CCDC149: variants seen among roughly 807,000 people sequenced by gnomAD.
CCDC149 encodes coiled-coil domain containing 149.
CCDC149 carries 45 observed loss-of-function variants against 59.9 expected under a neutral mutation model. The observed-to-expected ratio is 0.75, with a 90% CI of 0.59 to 0.96. The LOEUF (loss-of-function observed/expected upper bound fraction) is 0.96, where lower values mean the gene tolerates loss of function less well. Among genes scored for constraint, CCDC149 ranks in the 40% least tolerant of loss-of-function variants. CCDC149 has a pLI of 0.00. For synonymous variants in CCDC149, 245 were observed against 260.6 expected (o/e 0.94, Z 0.58); for missense variants, 584 against 664.7 (o/e 0.88, Z 1.33).
chr4:24,910,332 C>T (rs1721802007), intron 1 of CCDC149, among the ~76,000 whole-genome samples: 2 of 152,154 alleles, frequency 1.3e-5, no homozygotes, highest in Non-Finnish European at 1.5e-5. Context: ...TACCCTAAAT[C>T]CAGGGTGATC....
chr4:24,832,973 A>C (rs185289030), intron 8 of CCDC149, among the ~76,000 whole-genome samples: 1 of 152,138 alleles, frequency 6.6e-6, no homozygotes, highest in East Asian at 1.9e-4. Context: ...GCATGGCCCC[A>C]TTCTACATCT....
intron 7 of CCDC149, among the ~76,000 whole-genome samples, chr4:24,835,348 A>G (rs1035275467): frequency 6.6e-6 from 1 of 152,252 alleles, no homozygotes; most frequent in African/African-American, 2.4e-5. Context: ...ATGTGAAGTC[A>G]CTAGTAATGA....
At chr4:24,924,944 C>G (rs568314886) in intron 1 of CCDC149, among the ~76,000 whole-genome samples, 1 of 152,332 alleles carries the variant, frequency 6.6e-6, no homozygotes, top group East Asian at 1.9e-4. Context: ...ATACCCATCT[C>G]ATATACAAAA....
At chr4:24,970,449 A>G (rs75296728) in intron 1 of CCDC149, among the ~76,000 whole-genome samples, 2 of 152,170 alleles carry the variant, frequency 1.3e-5, no homozygotes, top group Admixed American at 1.3e-4. Flanking sequence ...AGCCTGTAGC[A>G]TTTATGATGG....
intron 2 of CCDC149, among the ~76,000 whole-genome samples, chr4:24,875,503 A>AT (rs34722418): frequency 0.076 from 10,904 of 144,028 alleles, 475 homozygotes; most frequent in South Asian, 0.15. Flanking sequence ...TTCTCCATGA[A>AT]TTTTTTTTTT....
intron 1 of CCDC149, among the ~76,000 whole-genome samples, chr4:24,926,478 A>G (rs1348781485): frequency 6.6e-6 from 1 of 152,030 alleles, no homozygotes; most frequent in East Asian, 1.9e-4. Flanking sequence ...AGCTTGTCCT[A>G]CCTTCCCTCA....
intron 6 of CCDC149, among the ~76,000 whole-genome samples, chr4:24,836,736 A>C (rs940001698): frequency 1.3e-5 from 2 of 152,208 alleles, no homozygotes; most frequent in East Asian, 3.8e-4. Context: ...ACTTTAAAAC[A>C]GCCCTCGCAG....
intron 1 of CCDC149, among the ~76,000 whole-genome samples, chr4:24,906,999 C>T (rs1176356960): frequency 6.6e-6 from 1 of 152,126 alleles, no homozygotes; most frequent in African/African-American, 2.4e-5. Context: ...TTCGTTAAGT[C>T]CCTTAGAATT....
At chr4:24,850,352 A>C (rs1306275636) in intron 4 of CCDC149, among the ~76,000 whole-genome samples, 1 of 152,182 alleles carries the variant, frequency 6.6e-6, no homozygotes, top group African/African-American at 2.4e-5. Flanking sequence ...CGCAAGTGAG[A>C]AGCAGAGGGG....
chr4:24,834,567 C>T (rs529977957), intron 8 of CCDC149, among the ~76,000 whole-genome samples: 14 of 152,182 alleles, frequency 9.2e-5, no homozygotes, highest in Admixed American at 7.9e-4. Flanking sequence ...GATTAGGAAA[C>T]GGGGAACATT....
intron 1 of CCDC149, among the ~76,000 whole-genome samples, chr4:24,931,726 C>T (rs1361971571): frequency 6.6e-6 from 1 of 150,928 alleles, no homozygotes; most frequent in African/African-American, 2.4e-5. Flanking sequence ...TATGCATCTT[C>T]CAGAAAGCCT....
chr4:24,971,672 C>G (rs1322414818), intron 1 of CCDC149, among the ~76,000 whole-genome samples: 1 of 152,198 alleles, frequency 6.6e-6, no homozygotes, highest in African/African-American at 2.4e-5. Context: ...CACCAACTCC[C>G]TTCCTCTTGG....
At chr4:24,910,691 T>C (rs1721822154) in intron 1 of CCDC149, among the ~76,000 whole-genome samples, 1 of 152,164 alleles carries the variant, frequency 6.6e-6, no homozygotes, top group South Asian at 2.1e-4. Context: ...ATAGCAAGTG[T>C]GGCCTAGCAA....
intron 8 of CCDC149, among the ~76,000 whole-genome samples, chr4:24,833,756 G>A (rs1716320814): frequency 6.6e-6 from 1 of 152,164 alleles, no homozygotes; most frequent in Non-Finnish European, 1.5e-5. Context: ...GAACTGTTTT[G>A]TAGCAAAATG....
intron 4 of CCDC149, among the ~76,000 whole-genome samples, chr4:24,842,253 G>A (rs1039181547): frequency 3.3e-5 from 5 of 152,114 alleles, no homozygotes; most frequent in African/African-American, 1.2e-4. Context: ...TAAATGTTAG[G>A]GACTCTTGTG....
chr4:24,923,536 T>C (rs956653305), intron 1 of CCDC149, among the ~76,000 whole-genome samples: 24 of 152,162 alleles, frequency 1.6e-4, no homozygotes, highest in Non-Finnish European at 3.1e-4. Context: ...TGAAGGGTCA[T>C]TGAAAGCAAG....
At chr4:24,896,297 CTGG>C (rs1433326898) in intron 1 of CCDC149, among the ~76,000 whole-genome samples, 1 of 152,194 alleles carries the variant, frequency 6.6e-6, no homozygotes, top group African/African-American at 2.4e-5. Context: ...TGACTACATC[CTGG>C]TGGACTGTAT....
intron 8 of CCDC149, among the ~76,000 whole-genome samples, chr4:24,834,433 C>A (rs1016603842): frequency 6.6e-6 from 1 of 152,032 alleles, no homozygotes; most frequent in African/African-American, 2.4e-5. Flanking sequence ...AAAGCTTCTT[C>A]GAAAAAGGCA....
intron 7 of CCDC149, among the ~76,000 whole-genome samples, chr4:24,835,536 T>C (rs1431247806): frequency 6.6e-6 from 1 of 152,236 alleles, no homozygotes; most frequent in Non-Finnish European, 1.5e-5. Flanking sequence ...TTAAAATTGA[T>C]ATGTAGCATC....
Sources: gnomAD v4.1 joint callset for allele counts (sites outside exome capture counted in the v4.1 genomes callset) on GRCh38, gnomAD v4.1.1 for gene constraint, MANE v1.5 for transcripts, NCBI Gene and HGNC (gene_info 2026-07-23, HGNC 2026-07-21) for gene names.